Variants in SCN1A observed in about 807,000 individuals in gnomAD.
The protein encoded by SCN1A is sodium channel protein type 1 subunit alpha.
SCN1A carries 13 observed loss-of-function variants against 193.7 expected under a neutral mutation model. That is an observed-to-expected ratio of 0.07 (90% CI 0.04 to 0.11). The LOEUF is 0.11. Among genes scored for constraint, SCN1A ranks in the 10% least tolerant of loss-of-function variants. The probability of loss-of-function intolerance (pLI) is 1.00; values close to 1 mark genes in which losing one functional copy is unlikely to be tolerated. For synonymous variants in SCN1A, 781 were observed against 843.6 expected (o/e 0.93, Z 1.29); for missense variants, 1,432 against 2,451.1 (o/e 0.58, Z 8.78).
At chr2:166,056,290 G>A (rs1344276398) in intron 6 of SCN1A, 121 bp downstream of exon 6, 16 of 700,948 alleles carry the variant, frequency 2.3e-5, no homozygotes, top group East Asian at 8.1e-5. Context: ...CTCTTGCTGC[G>A]TAATTTTGTC....
At chr2:166,131,603 C>G (rs921265127), upstream of SCN1A, among the ~76,000 whole-genome samples, 1 of 152,202 alleles carries the variant, frequency 6.6e-6, no homozygotes, top group Non-Finnish European at 1.5e-5. Context: ...AAAGGAGAGT[C>G]TCTCGATGCC....
chr2:166,010,530 A>G (rs532043516), intron 22 of SCN1A, among the ~76,000 whole-genome samples: 1 of 151,322 alleles, frequency 6.6e-6, no homozygotes, highest in African/African-American at 2.4e-5. Flanking sequence ...AATTTACTTC[A>G]TTTGTATTCA....
At chr2:166,066,578 TTC>T (rs1257846155) in intron 4 of SCN1A, among the ~76,000 whole-genome samples, 1 of 152,132 alleles carries the variant, frequency 6.6e-6, no homozygotes, top group Non-Finnish European at 1.5e-5. Context: ...ATAAGAACAT[TTC>T]TGTTTCTCCA....
intron 2 of SCN1A, among the ~76,000 whole-genome samples, chr2:166,103,694 A>G (rs1345777408): frequency 1.3e-5 from 2 of 152,232 alleles, no homozygotes; most frequent in East Asian, 3.9e-4. Context: ...CATGTGAGGC[A>G]TGTAAAATTA....
intron 19 of SCN1A, among the ~76,000 whole-genome samples, chr2:166,019,801 G>A (rs1693770848): frequency 6.6e-6 from 1 of 151,870 alleles, no homozygotes; most frequent in South Asian, 2.1e-4. Flanking sequence ...GAATACCTCT[G>A]TTTCAGATAT....
chr2:166,058,216 T>G (rs558322611), intron 5 of SCN1A, among the ~76,000 whole-genome samples: 1 of 152,174 alleles, frequency 6.6e-6, no homozygotes, highest in South Asian at 2.1e-4. Context: ...TATCATATCA[T>G]TGCTCACTGA....
intron 16 of SCN1A, among the ~76,000 whole-genome samples, chr2:166,040,728 A>G (rs940904556): frequency 1.3e-5 from 2 of 152,208 alleles, no homozygotes; most frequent in African/African-American, 2.4e-5. Flanking sequence ...AACACACAAA[A>G]TGTACTGGAA....
chr2:166,037,969 T>C lies in SCN1A; in HGVS notation c.2753A>G (p.Asp918Gly). 1 of 1,614,174 alleles carries C rather than the reference T, an allele frequency of 6.2e-7. No individual in the cohort carries two copies. The highest frequency in any genetic ancestry group is 8.5e-7 in the Non-Finnish European group (1 of 1,180,022). Residue 918 changes from aspartate (D) to glycine (G), a missense_variant, in exon 18 of 29, where the codon GAT becomes GGT. Physicochemically the swap from Asp to Gly is moderately conservative, Grantham distance 94. Coordinates refer to ENST00000674923, the MANE Select transcript of SCN1A (RefSeq NM_001165963.4). ...GMQLFGKSYK[D>G]CVCKIASDCQ... The stretch of plus-strand genomic sequence containing the variant: ...ATCACTGGCGATCTTGCAGACACAA[T>C]CTTTGTAGCTTTTACCAAAGAGCTG...
At position 165,992,565 on chromosome 2, in the gene SCN1A, A is replaced by G; in HGVS notation, c.4853-143T>C. Reference sequence around the variant, plus strand: ...TGACAACTATATATAATATATATATAATTGTACATAATATATTATAAATCT... The same window carrying G: ...TGACAACTATATATAATATATATATGATTGTACATAATATATTATAAATCT... On this transcript the variant is annotated intron_variant, in intron 28 of 28. Transcript: ENST00000674923. This position sits in a 1 kb window ranked among gnomAD's most constrained non-coding sequence, Gnocchi z 6.5. The G allele has an allele frequency of 2.4e-6, 1 of 417,284 alleles. No individual in the cohort carries two copies. The highest frequency in any genetic ancestry group is 2.1e-5 in the African/African-American group (1 of 47,810). The allele number at this position is 417,284 out of a possible 1,614,324, so 25.8% of individuals were successfully genotyped here.
intron 1 of SCN1A, among the ~76,000 whole-genome samples, chr2:166,144,829 C>T (rs1692238273): frequency 6.8e-6 from 1 of 147,750 alleles, no homozygotes; most frequent in Non-Finnish European, 1.5e-5. Context: ...TTTAGAGTTG[C>T]TATGGGTCTC....
intron 19 of SCN1A, among the ~76,000 whole-genome samples, chr2:166,032,381 A>G (rs561426777): frequency 1.3e-5 from 2 of 152,256 alleles, no homozygotes; most frequent in African/African-American, 4.8e-5. Flanking sequence ...TGAGATTAAT[A>G]TACTACAGGC....
intron 19 of SCN1A, among the ~76,000 whole-genome samples, chr2:166,026,230 T>C (rs995639295): frequency 6.6e-6 from 1 of 152,176 alleles, no homozygotes; most frequent in African/African-American, 2.4e-5. Flanking sequence ...AATGTTGTCA[T>C]CTATTTTTTA....
In SCN1A at chr2:166,041,416, T is replaced by C. The variant is rs2105829122; in HGVS notation, c.2230A>G (p.Ile744Val). 1 of 1,613,386 alleles carries C rather than the reference T, an allele frequency of 6.2e-7. No individual in the cohort carries two copies. Among genetic ancestry groups the C allele is most frequent in the Non-Finnish European group, 8.5e-7 (1 of 1,179,856 alleles). ...GGAGAACAGTCCCAGATTAAGAATATGTTGGAAAATTTATACCAACAGGGT... is the reference window on the plus strand; with the variant it reads ...GGAGAACAGTCCCAGATTAAGAATACGTTGGAAAATTTATACCAACAGGGT... Reference protein sequence around the residue: ...CPPCWYKFSNIFLIWDCSPYW... With the variant: ...CPPCWYKFSNVFLIWDCSPYW... Residue 744 changes from isoleucine to valine, a missense_variant, in exon 16 of 29, where the codon ATA (isoleucine) becomes GTA (valine). Transcript: ENST00000674923.
intron 2 of SCN1A, chr2:166,126,349 A>G (rs1444801868): frequency 2.6e-5 from 4 of 152,124 alleles, no homozygotes; most frequent in Non-Finnish European, 4.4e-5. Flanking sequence ...GAGTTTTAAA[A>G]GAGTTTTTCA....
intron 4 of SCN1A, among the ~76,000 whole-genome samples, chr2:166,064,214 G>C (rs1683604636): frequency 6.6e-6 from 1 of 152,106 alleles, no homozygotes; most frequent in Admixed American, 6.6e-5. Context: ...ATCCGGAACA[G>C]GTTTCTTAAC....
Position 166,063,632 on chromosome 2 carries a change from C to T in SCN1A, c.265-4944G>A, listed in dbSNP as rs200650342. On this transcript the variant is annotated intron_variant, in intron 4 of 28. Coordinates refer to ENST00000674923, the MANE Select transcript of SCN1A (RefSeq NM_001165963.4). Reference sequence around the variant, plus strand: ...AAGAATTGATGAAGGTTACCTTGACCAGCACTTTCCAACAGAAATATAATG... The same window carrying T: ...AAGAATTGATGAAGGTTACCTTGACTAGCACTTTCCAACAGAAATATAATG... Among the ~76,000 whole-genome samples the T allele has an allele frequency of 4.6e-5, 7 of 152,006 alleles. No homozygotes were observed. The East Asian group carries it at 1.4e-3, about 29-fold the overall frequency.
At chr2:166,116,604 TG>T (rs1689895208) in intron 2 of SCN1A, among the ~76,000 whole-genome samples, 1 of 2,724 alleles carries the variant, frequency 3.7e-4, no homozygotes, top group Admixed American at 8.1e-3. Context: ...TCCCAGAATC[TG>T]ATGAATTATC....
intron 2 of SCN1A, among the ~76,000 whole-genome samples, chr2:166,086,822 C>A (rs1167526866): frequency 6.6e-6 from 1 of 151,996 alleles, no homozygotes; most frequent in Non-Finnish European, 1.5e-5. Context: ...TTAAAGAGAC[C>A]CTCTAGGGAT....
chr2:166,148,796 G>T (rs1274062557), intron 1 of SCN1A, among the ~76,000 whole-genome samples: 3 of 152,156 alleles, frequency 2.0e-5, no homozygotes, highest in African/African-American at 7.2e-5. Flanking sequence ...ATTGTATTCA[G>T]AGTTTAAATA....
Sources: gnomAD v4.1 joint callset for allele counts (sites outside exome capture counted in the v4.1 genomes callset) on GRCh38, gnomAD v4.1.1 for gene constraint, Gnocchi (gnomAD v3.1) non-coding constraint, MANE v1.5 for transcripts, NCBI Gene and HGNC (gene_info 2026-07-23, HGNC 2026-07-21) for gene names.